Variants in TAOK3 observed in about 807,000 individuals in gnomAD.
The protein encoded by TAOK3 is serine/threonine-protein kinase TAO3.
TAOK3 carries 40 observed loss-of-function variants against 120.4 expected under a neutral mutation model. The ratio of observed to expected loss-of-function variants is 0.33; its 90% CI spans 0.26 to 0.43. The LOEUF (loss-of-function observed/expected upper bound fraction) is 0.43, where lower values mean the gene tolerates loss of function less well. Ranked by LOEUF, TAOK3 falls within the 20% of genes least tolerant of loss-of-function variation. The pLI, the probability that TAOK3 is intolerant of heterozygous loss-of-function variation, is 1.00. For missense variants in TAOK3, 821 were observed against 1,112.1 expected, an observed-to-expected ratio of 0.74 and a Z score of 3.72; for synonymous variants, 355 against 387.5, an observed-to-expected ratio of 0.92 and a Z score of 0.99.
At chr12:118,343,369 G>A (rs1329262598) in intron 1 of TAOK3, among the ~76,000 whole-genome samples, 1 of 150,944 alleles carries the variant, frequency 6.6e-6, no homozygotes. Context: ...GGAGGTTACA[G>A]TGAGCTCAGA....
chr12:118,367,570 C>A (rs868827617), intron 1 of TAOK3, among the ~76,000 whole-genome samples: 1 of 151,966 alleles, frequency 6.6e-6, no homozygotes, highest in African/African-American at 2.4e-5. Flanking sequence ...AGTAAAAAAA[C>A]TTTTAACATA....
chr12:118,353,388 T>C (rs953098927), intron 1 of TAOK3, among the ~76,000 whole-genome samples: 1 of 152,068 alleles, frequency 6.6e-6, no homozygotes, highest in Non-Finnish European at 1.5e-5. Context: ...GAGTTTGGTG[T>C]GTTTGAGAGA....
intron 1 of TAOK3, among the ~76,000 whole-genome samples, chr12:118,299,667 G>A (rs894606178): frequency 4.6e-5 from 7 of 151,846 alleles, no homozygotes; most frequent in South Asian, 2.1e-4. Flanking sequence ...ACACCACCAC[G>A]CCCGACTAAC....
At chr12:118,240,673 G>A (rs1179774667) in intron 5 of TAOK3, among the ~76,000 whole-genome samples, 1 of 151,988 alleles carries the variant, frequency 6.6e-6, no homozygotes. Flanking sequence ...AGGTGCCCAA[G>A]ACTACTGATT....
intron 1 of TAOK3, among the ~76,000 whole-genome samples, chr12:118,313,025 C>T (rs1019287531): frequency 6.6e-6 from 1 of 152,060 alleles, no homozygotes; most frequent in South Asian, 2.1e-4. Context: ...ATCCCTAACA[C>T]TAAAGACGGA....
rs546402144 is a variant in TAOK3 at position 118,205,240 on chromosome 12, G to T, written c.820-3777C>A. Among the ~76,000 whole-genome samples the T allele has an allele frequency of 6.6e-5, 10 of 151,450 alleles. No homozygotes were observed. The East Asian group carries it at 1.7e-3, about 26-fold the overall frequency. ...AAATTAGCCAGGCGTGGTAGTGCCC[G>T]CCTATAGTCCCAGGTACTCGGGAGG... On this transcript the variant is annotated intron_variant, in intron 11 of 20. Transcript: ENST00000392533.
chr12:118,365,750 T>A (rs1249962391), intron 1 of TAOK3, among the ~76,000 whole-genome samples: 2 of 152,142 alleles, frequency 1.3e-5, no homozygotes, highest in African/African-American at 4.8e-5. Context: ...ATCTCTGTCC[T>A]CACAAGCTAG....
In TAOK3 at chr12:118,151,281, G is replaced by GCA. The variant is rs1491080658; in HGVS notation, c.2536-124_2536-123insTG. The GCA allele has an allele frequency of 3.3e-5, 17 of 517,814 alleles. No individual in the cohort carries two copies. The African/African-American group carries it at 6.1e-4, about 19-fold the overall frequency. The allele number at this position is 517,814 out of a possible 1,614,324, so 32.1% of individuals were successfully genotyped here. The stretch of plus-strand genomic sequence containing the variant: ...ACACATAGGCACACACATGAAGTGC[G>GCA]CGCGCGCGCACACACACACACACAC... On this transcript the variant is annotated intron_variant, in intron 20 of 20. Coordinates refer to ENST00000392533, the MANE Select transcript of TAOK3 (RefSeq NM_016281.4).
At chr12:118,296,288 C>T (rs964244929) in intron 1 of TAOK3, among the ~76,000 whole-genome samples, 3 of 152,102 alleles carry the variant, frequency 2.0e-5, no homozygotes, top group South Asian at 2.1e-4. Flanking sequence ...TGCACCACCA[C>T]GCCCAGCTAA....
intron 13 of TAOK3, among the ~76,000 whole-genome samples, chr12:118,190,971 C>T (rs2037403066): frequency 6.6e-6 from 1 of 152,140 alleles, no homozygotes; most frequent in Admixed American, 6.5e-5. Flanking sequence ...TAAAATAGTA[C>T]ATGTTCAGGG....
intron 1 of TAOK3, among the ~76,000 whole-genome samples, chr12:118,298,486 T>C (rs892807286): frequency 6.6e-6 from 1 of 152,148 alleles, no homozygotes; most frequent in African/African-American, 2.4e-5. Flanking sequence ...TAAACACTCA[T>C]ATAGACAAAA....
chr12:118,173,133 T>C (rs899362305), intron 16 of TAOK3, among the ~76,000 whole-genome samples: 1 of 152,120 alleles, frequency 6.6e-6, no homozygotes, highest in Non-Finnish European at 1.5e-5. Context: ...TGGTAGTAAC[T>C]AAGAAAAATT....
At chr12:118,173,216 A>G (rs2036112762) in intron 16 of TAOK3, among the ~76,000 whole-genome samples, 1 of 152,196 alleles carries the variant, frequency 6.6e-6, no homozygotes, top group African/African-American at 2.4e-5. Flanking sequence ...GCAAAACCCT[A>G]GGGGTTGGAG....
chr12:118,358,551 CTG>C (rs2045484577), intron 1 of TAOK3, among the ~76,000 whole-genome samples: 1 of 152,182 alleles, frequency 6.6e-6, no homozygotes, highest in Non-Finnish European at 1.5e-5. Context: ...TTAGCATAAA[CTG>C]TATCCATTTA....
chr12:118,313,725 T>G (rs1422116693), intron 1 of TAOK3, among the ~76,000 whole-genome samples: 1 of 152,242 alleles, frequency 6.6e-6, no homozygotes, highest in Admixed American at 6.5e-5. Context: ...AACTGTCCAG[T>G]AATCTAAGGC....
At chr12:118,259,701 G>A (rs2041142203) in intron 2 of TAOK3, among the ~76,000 whole-genome samples, 2 of 152,190 alleles carry the variant, frequency 1.3e-5, no homozygotes, top group South Asian at 4.1e-4. Flanking sequence ...GAATTTCTAG[G>A]CCATGCTGCA....
At chr12:118,214,892 T>C (rs2038810624) in intron 9 of TAOK3, among the ~76,000 whole-genome samples, 1 of 151,938 alleles carries the variant, frequency 6.6e-6, no homozygotes, top group Non-Finnish European at 1.5e-5. Context: ...ATTACAGGCA[T>C]GAGCCACCAT....
At chr12:118,204,745 C>A (rs1272933983) in intron 11 of TAOK3, among the ~76,000 whole-genome samples, 1 of 152,102 alleles carries the variant, frequency 6.6e-6, no homozygotes, top group African/African-American at 2.4e-5. Flanking sequence ...CTTTCTGTTT[C>A]AAGGCTGGGC....
intron 1 of TAOK3, among the ~76,000 whole-genome samples, chr12:118,368,915 T>G (rs1309525222): frequency 2.0e-5 from 3 of 150,314 alleles, no homozygotes; most frequent in Non-Finnish European, 4.4e-5. Flanking sequence ...TCCCAGCACT[T>G]TGGCAGGTGG....
Sources: gnomAD v4.1 joint callset for allele counts (sites outside exome capture counted in the v4.1 genomes callset) on GRCh38, gnomAD v4.1.1 for gene constraint, MANE v1.5 for transcripts, NCBI Gene and HGNC (gene_info 2026-07-23, HGNC 2026-07-21) for gene names.